MAP3K21: variants seen among roughly 807,000 people sequenced by gnomAD.
MAP3K21 encodes the protein mitogen-activated protein kinase kinase kinase MLK4.
In MAP3K21, 63 loss-of-function variants were observed where a neutral mutation model predicts 86.1. That is an observed-to-expected ratio of 0.73 (90% CI 0.60 to 0.90). The LOEUF is 0.90. Ranked by LOEUF, MAP3K21 falls within the 40% of genes least tolerant of loss-of-function variation. MAP3K21 has a pLI of 0.00. For missense variants in MAP3K21, 1,220 were observed against 1,367.7 expected, an observed-to-expected ratio of 0.89 and a Z score of 1.70; for synonymous variants, 558 against 564.8, an observed-to-expected ratio of 0.99 and a Z score of 0.17.
chr1:233,353,505 G>A (rs1663290175), intron 2 of MAP3K21, among the ~76,000 whole-genome samples: 2 of 152,198 alleles, frequency 1.3e-5, no homozygotes, highest in Admixed American at 1.3e-4. Context: ...AGTGTGACCT[G>A]GTTCTGGACC....
chr1:233,382,976 C>T lies in MAP3K21; in HGVS notation c.*265C>T, dbSNP rs566904568. On this transcript the variant is annotated 3_prime_UTR_variant, in exon 10 of 10. Transcript: ENST00000366624. Reference sequence around the variant, plus strand: ...TGCACCAATGAAAACTATGCTGGGTCGAATTACCTTCAGCACAATGTTAAT... The same window carrying T: ...TGCACCAATGAAAACTATGCTGGGTTGAATTACCTTCAGCACAATGTTAAT... 9.4e-6 allele frequency: 3 copies of T among 319,358 alleles called. No individual in the cohort carries two copies. Among genetic ancestry groups the T allele is most frequent in the East Asian group, 5.8e-5 (1 of 17,232 alleles). 19.8% of individuals were successfully genotyped at this position (319,358 alleles called of 1,614,324 possible).
rs113720045 is a variant in MAP3K21, at chr1:233,382,754, C to A, written c.*43C>A. On this transcript the variant is annotated 3_prime_UTR_variant, in exon 10 of 10. Coordinates refer to ENST00000366624, the MANE Select transcript of MAP3K21 (RefSeq NM_032435.3). ...TGTTTAAGCATTTTTTTAAGGTGAA[C>A]AAATGAACACAATGTATCTACCTTT... 1,763 of 1,509,840 alleles carry A rather than the reference C, an allele frequency of 1.2e-3. 7 individuals are homozygous for A. The highest frequency in any genetic ancestry group is 6.7e-3 in the Middle Eastern group (38 of 5,674). 93.5% of individuals were successfully genotyped at this position (1,509,840 alleles called of 1,614,324 possible).
intron 4 of MAP3K21, among the ~76,000 whole-genome samples, chr1:233,359,848 C>A (rs1663434573): frequency 6.6e-6 from 1 of 152,144 alleles, no homozygotes; most frequent in Non-Finnish European, 1.5e-5. Context: ...TTCTAATACC[C>A]CAGTTTTAAA....
In MAP3K21 at chr1:233,328,944, A is replaced by G; in HGVS notation, c.805+111A>G. The G allele has an allele frequency of 6.3e-6, 7 of 1,109,522 alleles. No individual in the cohort carries two copies. The highest frequency in any genetic ancestry group is 8.0e-6 in the Non-Finnish European group (7 of 870,588). The allele number at this position is 1,109,522 out of a possible 1,614,324, so 68.7% of individuals were successfully genotyped here. A position where few individuals can be genotyped will look rare whatever the true frequency, so the allele number is the denominator to read the frequency against. On this transcript the variant is annotated intron_variant, in intron 1 of 9. Coordinates refer to ENST00000366624, the MANE Select transcript of MAP3K21 (RefSeq NM_032435.3). The surrounding 1 kb of genome is among the most constrained non-coding windows in gnomAD (Gnocchi z 8.7). Reference sequence around the variant, plus strand: ...AGGTGGGAGTCAGCCTTAGGGCGCCAGCAGCAACTCATGCCCAGGCCTTCA... The same window carrying G: ...AGGTGGGAGTCAGCCTTAGGGCGCCGGCAGCAACTCATGCCCAGGCCTTCA...
In MAP3K21 at chr1:233,328,680, G is replaced by T; in HGVS notation, c.652G>T (p.Ala218Ser). ...LNRALAAANA[A>S]PDPRAPGPRR... is the part of the protein sequence containing the mutation. ...CCGAGCGCTGGCCGCTGCCAACGCC[G>T]CCCCGGACCCGCGCGCGCCCGGCCC... The change falls in exon 1 of 10, where the codon GCC becomes TCC. Residue 218 changes from alanine (A) to serine (S), a missense_variant. Ala to Ser is a moderately conservative substitution (Grantham distance 99, BLOSUM62 1). Coordinates refer to ENST00000366624, the MANE Select transcript of MAP3K21 (RefSeq NM_032435.3). This position sits in a 1 kb window ranked among gnomAD's most constrained non-coding sequence, Gnocchi z 8.7. 1 of 1,327,302 alleles carries T rather than the reference G, an allele frequency of 7.5e-7. No individual in the cohort carries two copies. Among genetic ancestry groups the T allele is most frequent in the South Asian group, 2.3e-5 (1 of 44,348 alleles). 82.2% of individuals were successfully genotyped at this position (1,327,302 alleles called of 1,614,324 possible).
chr1:233,357,723 G>A (rs1663391073), intron 4 of MAP3K21, among the ~76,000 whole-genome samples: 1 of 152,204 alleles, frequency 6.6e-6, no homozygotes, highest in African/African-American at 2.4e-5. Flanking sequence ...CAGCACACAA[G>A]GGGGTGGGGA....
intron 1 of MAP3K21, among the ~76,000 whole-genome samples, chr1:233,344,595 G>T (rs1663098667): frequency 6.6e-6 from 1 of 152,154 alleles, no homozygotes. Context: ...ATGGATTAAA[G>T]ACTTAAATGT....
chr1:233,346,717 T>A, intron 2 of MAP3K21, 95 bp downstream of exon 2: 1 of 1,053,784 alleles, frequency 9.5e-7, no homozygotes, highest in Non-Finnish European at 1.4e-6. Context: ...GCATAAATAG[T>A]CGAGGCCTTT....
At chr1:233,364,688 T>G (rs79646337) in intron 5 of MAP3K21, among the ~76,000 whole-genome samples, 2,256 of 152,334 alleles carry the variant, frequency 0.015, 52 homozygotes, top group African/African-American at 0.052. Context: ...GTTTTTTTAA[T>G]TCCTGTATTG....
intron 4 of MAP3K21, among the ~76,000 whole-genome samples, chr1:233,357,861 A>G (rs1009979251): frequency 1.3e-5 from 2 of 152,204 alleles, no homozygotes; most frequent in African/African-American, 4.8e-5. Flanking sequence ...CTGGTCTCCA[A>G]GTCAACGACT....
intron 2 of MAP3K21, among the ~76,000 whole-genome samples, chr1:233,351,569 T>C (rs1663253405): frequency 6.6e-6 from 1 of 152,004 alleles, no homozygotes; most frequent in Non-Finnish European, 1.5e-5. Context: ...CGGGTGCCTG[T>C]AGTCCCAGCT....
Position 233,376,505 on chromosome 1 carries a change from T to G in MAP3K21, c.1902T>G (p.Ala634=). ...LIKNQKTMPL[A]SLFVDQPGSC... is the part of the protein sequence containing the mutation. ...AAAATCAGAAAACCATGCCCTTGGCTTCATTGTTTGTGGACCAGCCAGGTA... is the reference window on the plus strand; with the variant it reads ...AAAATCAGAAAACCATGCCCTTGGCGTCATTGTTTGTGGACCAGCCAGGTA... Residue 634 remains alanine (A), a synonymous_variant, in exon 8 of 10, where the codon GCT becomes GCG. Coordinates refer to ENST00000366624, the MANE Select transcript of MAP3K21 (RefSeq NM_032435.3). 2 of 1,613,410 alleles carry G rather than the reference T, an allele frequency of 1.2e-6. No individual in the cohort carries two copies. Among genetic ancestry groups the G allele is most frequent in the South Asian group, 2.2e-5 (2 of 91,004 alleles).
At chr1:233,369,404 AC>A (rs1193258153) in intron 5 of MAP3K21, among the ~76,000 whole-genome samples, 1 of 152,072 alleles carries the variant, frequency 6.6e-6, no homozygotes, top group Non-Finnish European at 1.5e-5. Context: ...AAAAGAAGTA[AC>A]ATTTAAATTG....
In MAP3K21 at chr1:233,379,492, G is replaced by A. The variant is rs766505453; in HGVS notation, c.2486G>A (p.Cys829Tyr). The change falls in exon 9 of 10, where the codon TGT becomes TAT. Residue 829 changes from cysteine (C) to tyrosine (Y), a missense_variant. By Grantham distance (194) the Cys-to-Tyr change is radical. Coordinates refer to ENST00000366624, the MANE Select transcript of MAP3K21 (RefSeq NM_032435.3). ...DPLVDSAPVT[C>Y]DSEMLTPDFC... ...CTGGTGGACAGTGCACCTGTCACTT[G>A]TGACTCTGAGATGCTCACTCCGGAT... The A allele has an allele frequency of 2.5e-6, 4 of 1,614,090 alleles. No homozygotes were observed. In the African/African-American group the frequency reaches 5.3e-5, roughly 22 times the overall value.
Position 233,382,425 on chromosome 1 carries a change from T to G in MAP3K21, c.2825T>G (p.Val942Gly). ...SPKKHSTVHI[V>G]PQRRPASLRS... Reference sequence around the variant, plus strand: ...AAGAAGCACAGCACTGTCCACATCGTGCCTCAGCGTCGCCCTGCCTCCCTG... The same window carrying G: ...AAGAAGCACAGCACTGTCCACATCGGGCCTCAGCGTCGCCCTGCCTCCCTG... The change falls in exon 10 of 10, where the codon GTG becomes GGG. Residue 942 changes from valine to glycine, a missense_variant. Physicochemically the swap from Val to Gly is moderately radical, Grantham distance 109. This residue lies in a region of MAP3K21 where 632 missense variants were observed against 691.3 expected (regional missense o/e 0.91). Coordinates refer to ENST00000366624, the MANE Select transcript of MAP3K21 (RefSeq NM_032435.3). The G allele has an allele frequency of 6.2e-7, 1 of 1,614,142 alleles. No individual in the cohort carries two copies. Among genetic ancestry groups the G allele is most frequent in the Non-Finnish European group, 8.5e-7 (1 of 1,180,026 alleles).
rs1294233 is a variant in MAP3K21 at position 233,383,252 on chromosome 1, C to T, written c.*541C>T. The stretch of plus-strand genomic sequence containing the variant: ...GTAAGTAAAGGTCTTAAAAGTCTGA[C>T]GACTGGAATAGATATAAAGTCCTGT... On this transcript the variant is annotated 3_prime_UTR_variant, in exon 10 of 10. Transcript: ENST00000366624. The T allele has an allele frequency of 0.44, 66,629 of 152,326 alleles. 14,728 individuals carry two copies. The highest frequency in any genetic ancestry group is 0.51 in the African/African-American group (21,149 of 41,170). 9.4% of individuals were successfully genotyped at this position (152,326 alleles called of 1,614,324 possible).
chr1:233,334,123 C>A (rs1291893498), intron 1 of MAP3K21, among the ~76,000 whole-genome samples: 2 of 151,312 alleles, frequency 1.3e-5, no homozygotes, highest in African/African-American at 2.4e-5. Flanking sequence ...CCTCGGCCGC[C>A]CAAAGTACTG....
At chr1:233,338,706 C>G (rs1294281) in intron 1 of MAP3K21, among the ~76,000 whole-genome samples, 118,616 of 152,138 alleles carry the variant, frequency 0.78, 46,498 homozygotes, top group East Asian at 0.99. Context: ...AGAACAGCAG[C>G]ACATGAGGGA....
chr1:233,345,904 A>G (rs1294264), intron 1 of MAP3K21, among the ~76,000 whole-genome samples: 122,992 of 151,980 alleles, frequency 0.81, 49,941 homozygotes, highest in East Asian at 0.99. Flanking sequence ...CTGGATGACC[A>G]CTGTGTTTAC....
Sources: allele counts gnomAD v4.1 joint callset (sites outside exome capture counted in the v4.1 genomes callset), GRCh38; gene constraint gnomAD v4.1.1; regional missense constraint gnomAD v4.1.1; non-coding constraint Gnocchi (gnomAD v3.1); transcripts MANE v1.5; gene names NCBI Gene and HGNC (gene_info 2026-07-23, HGNC 2026-07-21).